PIP5K1B: variants seen among roughly 807,000 people sequenced by gnomAD.
PIP5K1B encodes phosphatidylinositol-4-phosphate 5-kinase type 1 beta.
Under a neutral mutation model 67.0 loss-of-function variants are expected in PIP5K1B, and 42 were observed. The ratio of observed to expected loss-of-function variants is 0.63; its 90% confidence interval spans 0.49 to 0.81. PIP5K1B has a LOEUF of 0.81. PIP5K1B is among the 30% of genes least tolerant of loss of function. The pLI is 0.00. For missense variants in PIP5K1B, 459 were observed against 646.3 expected, an observed-to-expected ratio of 0.71 and a Z score of 3.14; for synonymous variants, 214 against 231.4, an observed-to-expected ratio of 0.92 and a Z score of 0.68.
At chr9:68,733,901 G>T (rs1423702249) in intron 1 of PIP5K1B, among the ~76,000 whole-genome samples, 2 of 152,164 alleles carry the variant, frequency 1.3e-5, no homozygotes, top group East Asian at 3.9e-4. Context: ...GCCTCCCAAC[G>T]TGCTGGGATT....
chr9:68,838,417 G>T (rs1305862638), intron 4 of PIP5K1B, among the ~76,000 whole-genome samples: 1 of 152,090 alleles, frequency 6.6e-6, no homozygotes, highest in Non-Finnish European at 1.5e-5. Flanking sequence ...TGCATTCTTT[G>T]TACACACAAG....
intron 1 of PIP5K1B, among the ~76,000 whole-genome samples, chr9:68,728,183 C>T (rs964113072): frequency 2.0e-5 from 3 of 152,136 alleles, no homozygotes. Context: ...TTACAAAATA[C>T]TGTAGATTGA....
At chr9:68,899,872 A>C (rs11144191) in intron 8 of PIP5K1B, among the ~76,000 whole-genome samples, 1 of 152,170 alleles carries the variant, frequency 6.6e-6, no homozygotes, top group African/African-American at 2.4e-5. Flanking sequence ...GGTAATAAGC[A>C]TAGTACCTAA....
intron 2 of PIP5K1B, chr9:68,780,082 G>GGCA: frequency 7.5e-7 from 1 of 1,334,336 alleles, no homozygotes; most frequent in South Asian, 2.4e-5. Context: ...CGGTGGCGGC[G>GGCA]GCAGCGGCGG....
chr9:68,849,813 AAG>A (rs1822389291), intron 4 of PIP5K1B, among the ~76,000 whole-genome samples: 1 of 152,212 alleles, frequency 6.6e-6, no homozygotes, highest in African/African-American at 2.4e-5. Context: ...TTCTGTAGTT[AAG>A]AGTTTTTTTT....
At chr9:68,822,370 A>C in intron 3 of PIP5K1B, 1 of 367,488 alleles carries the variant, frequency 2.7e-6, no homozygotes, top group Non-Finnish European at 4.9e-6. Context: ...ACACATGTAC[A>C]TGCTTTCTTA....
chr9:68,956,795 T>C lies in PIP5K1B; in HGVS notation c.1502+16005T>C, dbSNP rs145075515. ...TTTTCAACGTGTATGGTGAGGCCCATTGATGAGCCACAAAGAGATGTGCAG... is the reference window on the plus strand; with the variant it reads ...TTTTCAACGTGTATGGTGAGGCCCACTGATGAGCCACAAAGAGATGTGCAG... On this transcript the variant is annotated intron_variant, in intron 14 of 15. Transcript: ENST00000265382. 7.1e-3 allele frequency among the ~76,000 whole-genome samples: 1,080 copies of C among 152,292 alleles called. 7 individuals carry two copies. Among genetic ancestry groups the C allele is most frequent in the South Asian group, 0.039 (188 of 4,824 alleles).
chr9:68,820,068 G>GT (rs749800975), intron 3 of PIP5K1B, among the ~76,000 whole-genome samples: 7 of 152,114 alleles, frequency 4.6e-5, no homozygotes, highest in Non-Finnish European at 1.0e-4. Context: ...CATTAAGGTT[G>GT]TTTTTTTAAG....
chr9:68,869,042 A>G (rs1402269961), intron 5 of PIP5K1B, among the ~76,000 whole-genome samples: 2 of 152,206 alleles, frequency 1.3e-5, no homozygotes, highest in Non-Finnish European at 2.9e-5. Flanking sequence ...GCCTCATATC[A>G]TCACTCAATG....
intron 2 of PIP5K1B, among the ~76,000 whole-genome samples, chr9:68,760,477 C>T (rs1830135253): frequency 6.6e-6 from 1 of 152,070 alleles, no homozygotes; most frequent in Non-Finnish European, 1.5e-5. Flanking sequence ...TCATTAGCTG[C>T]TGAGGCTGGA....
chr9:68,944,389 G>A (rs756239579), intron 14 of PIP5K1B, among the ~76,000 whole-genome samples: 3 of 152,174 alleles, frequency 2.0e-5, no homozygotes, highest in Non-Finnish European at 4.4e-5. Context: ...ATGATTTCCT[G>A]CGTAGTTGGT....
chr9:68,832,404 G>A (rs929675169), intron 4 of PIP5K1B, among the ~76,000 whole-genome samples: 2 of 152,192 alleles, frequency 1.3e-5, no homozygotes, highest in Non-Finnish European at 2.9e-5. Context: ...TTAGCTAGGA[G>A]GATGACTATT....
At chr9:68,797,939 A>G (rs1441646940) in intron 2 of PIP5K1B, among the ~76,000 whole-genome samples, 1 of 152,240 alleles carries the variant, frequency 6.6e-6, no homozygotes, top group Non-Finnish European at 1.5e-5. Context: ...CTAAATAGAT[A>G]CGCTGTAAGA....
Position 68,859,345 on chromosome 9 carries a change from G to A in PIP5K1B, c.70-4492G>A, listed in dbSNP as rs556714292. ...CTGTGAAACTAAACGTTTGTGGTTT[G>A]CCTTTATGATGTTATATGGTTCTCC... On this transcript the variant is annotated intron_variant, in intron 4 of 15. Transcript: ENST00000265382. Among the ~76,000 whole-genome samples the A allele has an allele frequency of 1.6e-4, 25 of 152,290 alleles. 1 individual carries two copies. In the South Asian group the frequency reaches 4.8e-3, roughly 29 times the overall value.
chr9:68,779,997 C>A (rs1831144949), intron 2 of PIP5K1B: 1 of 887,736 alleles, frequency 1.1e-6, no homozygotes, highest in Non-Finnish European at 1.6e-6. Context: ...AAGCAGGCGC[C>A]GCGAGTACGG....
At chr9:68,707,189 C>T (rs1209553896) in intron 1 of PIP5K1B, among the ~76,000 whole-genome samples, 1 of 152,164 alleles carries the variant, frequency 6.6e-6, no homozygotes. Context: ...GAGTTTGAGA[C>T]TGATGTATGA....
intron 12 of PIP5K1B, among the ~76,000 whole-genome samples, chr9:68,924,469 T>C (rs1826581143): frequency 6.7e-6 from 1 of 150,354 alleles, no homozygotes; most frequent in African/African-American, 2.4e-5. Flanking sequence ...CTTTAAACCT[T>C]GAATAACTAG....
intron 2 of PIP5K1B, among the ~76,000 whole-genome samples, chr9:68,787,379 G>C (rs1831684881): frequency 1.3e-5 from 2 of 152,194 alleles, no homozygotes; most frequent in Non-Finnish European, 2.9e-5. Context: ...TCGAATTTAA[G>C]AAGTCTCCAG....
chr9:68,997,167 AT>A (rs1413091192), intron 15 of PIP5K1B, among the ~76,000 whole-genome samples: 1 of 152,214 alleles, frequency 6.6e-6, no homozygotes, highest in Non-Finnish European at 1.5e-5. Flanking sequence ...AAATGATTGA[AT>A]TAACAGCTTA....
Sources: gnomAD v4.1 joint callset for allele counts (sites outside exome capture counted in the v4.1 genomes callset) on GRCh38, gnomAD v4.1.1 for gene constraint, MANE v1.5 for transcripts, NCBI Gene and HGNC (gene_info 2026-07-23, HGNC 2026-07-21) for gene names.